The following MYO18B variants were observed in gnomAD, a reference collection of about 807,000 sequenced individuals.
MYO18B encodes myosin XVIIIB, also known as unconventional myosin-XVIIIb.
In MYO18B, 204 loss-of-function variants were observed where a neutral mutation model predicts 273.0. The ratio of observed to expected loss-of-function variants is 0.75; its 90% CI spans 0.67 to 0.84. The LOEUF (loss-of-function observed/expected upper bound fraction) is 0.84. MYO18B is among the 40% of genes least tolerant of loss of function. The probability of loss-of-function intolerance (pLI) is 0.00; values close to 1 mark genes in which losing one functional copy is unlikely to be tolerated. For missense variants in MYO18B, 3,212 were observed against 3,287.6 expected (o/e 0.98, Z 0.56); for synonymous variants, 1,330 against 1,305.7 (o/e 1.02, Z -0.40).
chr22:25,978,812 G>A (rs2093120446), intron 39 of MYO18B, among the ~76,000 whole-genome samples: 1 of 152,190 alleles, frequency 6.6e-6, no homozygotes, highest in Non-Finnish European at 1.5e-5. Flanking sequence ...AAATTAGTAG[G>A]TTGTGGTGGT....
intron 33 of MYO18B, among the ~76,000 whole-genome samples, chr22:25,915,139 A>T (rs761037797): frequency 6.6e-6 from 1 of 152,208 alleles, no homozygotes; most frequent in Non-Finnish European, 1.5e-5. Context: ...AGAGAAAGAT[A>T]TTTGACATCC....
chr22:25,858,326 A>C (rs770463518), intron 21 of MYO18B, among the ~76,000 whole-genome samples: 2 of 152,240 alleles, frequency 1.3e-5, no homozygotes, highest in Non-Finnish European at 2.9e-5. Flanking sequence ...GGAACTCAAC[A>C]TATGGAAGCC....
rs745453805 is a variant in MYO18B at position 25,769,325 on chromosome 22, C to T, written c.1409C>T (p.Ala470Val). ...GAGCTGGAAGGACCCAGCCAGCCTGCTCTGGAGAAGGATGCAGAAAGGCCT... is the reference window on the plus strand; with the variant it reads ...GAGCTGGAAGGACCCAGCCAGCCTGTTCTGGAGAAGGATGCAGAAAGGCCT... ...ETELEGPSQP[A>V]LEKDAERPRI... The change falls in exon 4 of 44, where the codon GCT becomes GTT. Residue 470 changes from alanine (A) to valine (V), a missense_variant. Transcript: ENST00000335473. The T allele has an allele frequency of 4.2e-5, 66 of 1,578,620 alleles. No homozygotes were observed. The highest frequency in any genetic ancestry group is 5.2e-5 in the Non-Finnish European group (60 of 1,162,854).
chr22:25,916,909 G>A (rs1254071230), intron 33 of MYO18B, among the ~76,000 whole-genome samples: 1 of 152,096 alleles, frequency 6.6e-6, no homozygotes, highest in Non-Finnish European at 1.5e-5. Context: ...GCGGGCACCT[G>A]TAATCCCAGC....
chr22:25,947,668 C>A, intron 35 of MYO18B, 44 bp from the exon 36 acceptor site: 1 of 1,506,348 alleles, frequency 6.6e-7, no homozygotes, highest in South Asian at 1.1e-5. Flanking sequence ...CTGCCCATCC[C>A]TCACCCTCTC....
Position 25,784,753 on chromosome 22 carries a change from G to C in MYO18B, c.2313-675G>C, listed in dbSNP as rs553324308. On this transcript the variant is annotated intron_variant, in intron 10 of 43. Coordinates refer to ENST00000335473, the MANE Select transcript of MYO18B (RefSeq NM_032608.7). ...GCTGTGCCCACCCCGCCTTTGGCTT[G>C]CATTCCTCAAGCCTGCAAAAGTGGG... is the stretch of plus-strand genomic sequence containing the variant. Among the ~76,000 whole-genome samples the C allele has an allele frequency of 3.3e-4, 50 of 152,336 alleles. No homozygotes were observed. The South Asian group carries it at 7.3e-3, about 22-fold the overall frequency.
intron 7 of MYO18B, among the ~76,000 whole-genome samples, chr22:25,772,904 G>A (rs3859868): frequency 0.5 from 75,313 of 151,974 alleles, 19,804 homozygotes; most frequent in East Asian, 0.77. Flanking sequence ...TGGGCCAGGC[G>A]CAGGCTAAAC....
rs756859848 is a variant in MYO18B, at chr22:26,026,733, C to G, written c.6759C>G (p.Phe2253Leu). Reference sequence around the variant, plus strand: ...GTCCTTCAGCGGCCCTCTCGGAGTTCGTGGAAGGGCTCCGGAGGAAGAGAG... The same window carrying G: ...GTCCTTCAGCGGCCCTCTCGGAGTTGGTGGAAGGGCTCCGGAGGAAGAGAG... Reference protein sequence around the residue: ...LPSPSAALSEFVEGLRRKRAQ... With the variant: ...LPSPSAALSELVEGLRRKRAQ... The change falls in exon 43 of 44, where the codon TTC becomes TTG. Residue 2253 changes from phenylalanine (F) to leucine (L), a missense_variant. Physicochemically the swap from Phe to Leu is conservative, Grantham distance 22. Coordinates refer to ENST00000335473, the MANE Select transcript of MYO18B (RefSeq NM_032608.7). 5 of 1,613,262 alleles carry G rather than the reference C, an allele frequency of 3.1e-6. No individual in the cohort carries two copies. The African/African-American group carries it at 4.0e-5, about 13-fold the overall frequency.
intron 10 of MYO18B, among the ~76,000 whole-genome samples, chr22:25,782,038 C>T (rs1348756954): frequency 1.3e-5 from 2 of 152,206 alleles, no homozygotes; most frequent in African/African-American, 2.4e-5. Flanking sequence ...CCCTGAGCCG[C>T]GGTTTCTTCC....
chr22:25,921,541 G>C (rs769663013), intron 34 of MYO18B, 132 bp downstream of exon 34: 76 of 1,173,504 alleles, frequency 6.5e-5, no homozygotes, highest in Admixed American at 1.4e-4. Flanking sequence ...GCAGGGAGAT[G>C]GGGGGCATTT....
At chr22:26,011,063 A>C (rs1934874613) in intron 42 of MYO18B, among the ~76,000 whole-genome samples, 1 of 150,598 alleles carries the variant, frequency 6.6e-6, no homozygotes, top group African/African-American at 2.5e-5. Flanking sequence ...TGTAGCTGGG[A>C]AACCAAAAAG....
At chr22:25,824,609 G>C (rs2089419726) in intron 13 of MYO18B, among the ~76,000 whole-genome samples, 1 of 152,004 alleles carries the variant, frequency 6.6e-6, no homozygotes, top group Non-Finnish European at 1.5e-5. Context: ...CTGTGATTTT[G>C]GGGCCCATCT....
intron 33 of MYO18B, among the ~76,000 whole-genome samples, chr22:25,914,885 G>T (rs1306099850): frequency 6.6e-6 from 1 of 150,794 alleles, no homozygotes; most frequent in Admixed American, 6.6e-5. Context: ...TTTTCATAGA[G>T]ATGGGGTTTC....
At position 26,026,796 on chromosome 22, in the gene MYO18B, C is replaced by T. The variant is rs1309652737; in HGVS notation, c.6822C>T (p.Asp2274=). The T allele has an allele frequency of 5.0e-6, 8 of 1,598,844 alleles. No individual in the cohort carries two copies. Among genetic ancestry groups the T allele is most frequent in the Non-Finnish European group, 6.8e-6 (8 of 1,173,110 alleles). The part of the protein sequence containing the change: ...RGQGSTLGLE[D]WPTLPIYQTT... ...AGGGGTCCACGCTGGGCCTAGAGGA[C>T]TGGCCCACTCTCCCCATTTACCAGA... The change falls in exon 43 of 44, where the codon GAC becomes GAT. Residue 2274 remains aspartate, a synonymous_variant. Transcript: ENST00000335473.
chr22:25,937,351 T>A (rs1203510953), intron 34 of MYO18B, among the ~76,000 whole-genome samples: 1 of 152,062 alleles, frequency 6.6e-6, no homozygotes, highest in Non-Finnish European at 1.5e-5. Flanking sequence ...CCCAAAGATC[T>A]GGGATTACAG....
At position 25,782,784 on chromosome 22, in the gene MYO18B, G is replaced by T. The variant is rs566244369; in HGVS notation, c.2312+950G>T. ...GAGGGACAGCTGTAACCTGCAGAGA[G>T]AAGGCAGAGTAGAGAGGGAACTCCC... On this transcript the variant is annotated intron_variant, in intron 10 of 43. Coordinates refer to ENST00000335473, the MANE Select transcript of MYO18B (RefSeq NM_032608.7). Among the ~76,000 whole-genome samples the T allele has an allele frequency of 3.7e-4, 56 of 152,344 alleles. No homozygotes were observed. In the South Asian group the frequency reaches 4.8e-3, roughly 13 times the overall value.
chr22:25,907,524 T>C (rs534427144), intron 31 of MYO18B, among the ~76,000 whole-genome samples: 6 of 152,328 alleles, frequency 3.9e-5, no homozygotes, highest in South Asian at 2.1e-4. Flanking sequence ...TTAATTCTCA[T>C]AGTAGCATTC....
rs5761254 is a variant in MYO18B at position 25,818,755 on chromosome 22, G to A, written c.2522-4750G>A. Among the ~76,000 whole-genome samples the A allele has an allele frequency of 1.6e-4, 25 of 152,274 alleles. No individual in the cohort carries two copies. In the East Asian group the frequency reaches 4.4e-3, roughly 27 times the overall value. The stretch of plus-strand genomic sequence containing the variant: ...AAGGGTACCCTCCTTGGTTTTGCAG[G>A]TGGAGAAGGGAATTGCAATTTTTTG... On this transcript the variant is annotated intron_variant, in intron 12 of 43. Coordinates refer to ENST00000335473, the MANE Select transcript of MYO18B (RefSeq NM_032608.7).
At chr22:25,742,577 A>C (rs1331077891) in intron 1 of MYO18B, among the ~76,000 whole-genome samples, 2 of 152,122 alleles carry the variant, frequency 1.3e-5, no homozygotes, top group African/African-American at 4.8e-5. Flanking sequence ...GTTCGCTAAT[A>C]ATTTTTAAAA....
Sources: allele counts gnomAD v4.1 joint callset (sites outside exome capture counted in the v4.1 genomes callset), GRCh38; gene constraint gnomAD v4.1.1; transcripts MANE v1.5; gene names NCBI Gene and HGNC (gene_info 2026-07-23, HGNC 2026-07-21).